The following DDX21 variants were observed in gnomAD, a reference collection of about 807,000 sequenced individuals.
DDX21 encodes DExD-box helicase 21.
Under a neutral mutation model 90.0 loss-of-function variants are expected in DDX21, and 18 were observed. The ratio of observed to expected loss-of-function variants is 0.20; its 90% confidence interval spans 0.14 to 0.30. The LOEUF (loss-of-function observed/expected upper bound fraction) is 0.30, where lower values mean the gene tolerates loss of function less well. Ranked by LOEUF, DDX21 falls within the 10% of genes least tolerant of loss-of-function variation. The pLI, the probability that DDX21 is intolerant of heterozygous loss-of-function variation, is 1.00. For missense variants in DDX21, 673 were observed against 944.5 expected (o/e 0.71, Z 3.77); for synonymous variants, 294 against 318.0 (o/e 0.92, Z 0.80).
intron 1 of DDX21, among the ~76,000 whole-genome samples, chr10:68,959,344 A>T (rs931118898): frequency 1.3e-5 from 2 of 152,098 alleles, no homozygotes; most frequent in African/African-American, 4.8e-5. Flanking sequence ...AAATACAAAA[A>T]TTCGCTGGGT....
At position 68,963,346 on chromosome 10, in the gene DDX21, C is replaced by T; in HGVS notation, c.663C>T (p.Tyr221=). The T allele has an allele frequency of 4.3e-6, 7 of 1,614,118 alleles. No individual in the cohort carries two copies. Among genetic ancestry groups the T allele is most frequent in the Non-Finnish European group, 4.2e-6 (5 of 1,179,996 alleles). The change falls in exon 4 of 15, where the codon TAC becomes TAT. Residue 221 remains tyrosine (Y), a synonymous_variant. Transcript: ENST00000354185. ...AAGCAAAGACATTCCATCATGTTTA[C>T]AGCGGGAAGGACTTAATTGCACAGG... ...PIQAKTFHHV[Y]SGKDLIAQAR...
intron 4 of DDX21, among the ~76,000 whole-genome samples, chr10:68,963,766 CAA>C (rs1842902291): frequency 6.6e-6 from 1 of 151,962 alleles, no homozygotes; most frequent in Non-Finnish European, 1.5e-5. Context: ...TAGCTTTCGT[CAA>C]GTGTCTGACC....
chr10:68,963,150 C>A (rs1842894157), intron 3 of DDX21, 141 bp from the exon 4 acceptor site: 1 of 817,344 alleles, frequency 1.2e-6, no homozygotes, highest in Non-Finnish European at 1.8e-6. Context: ...CGTATTTGAG[C>A]CTAACTTTGT....
chr10:68,968,797 G>A (rs10998508), intron 6 of DDX21, among the ~76,000 whole-genome samples, 179 bp from the exon 7 acceptor site: 7 of 152,232 alleles, frequency 4.6e-5, no homozygotes, highest in East Asian at 1.9e-4. Context: ...ATTACCTAGC[G>A]GTATTTCTTT....
intron 11 of DDX21, among the ~76,000 whole-genome samples, chr10:68,976,291 A>AT (rs201101708): frequency 0.14 from 19,994 of 142,892 alleles, 1,491 homozygotes; most frequent in Admixed American, 0.2. Context: ...GGATGAGTGT[A>AT]TTTTTTTTTT....
chr10:68,963,498 G>A, intron 4 of DDX21, 29 bp downstream of exon 4: 1 of 1,578,790 alleles, frequency 6.3e-7, no homozygotes, highest in South Asian at 1.2e-5. Flanking sequence ...AGGGCTCTCA[G>A]TCAGCATAGG....
intron 9 of DDX21, among the ~76,000 whole-genome samples, chr10:68,972,696 C>A (rs1843044123): frequency 1.3e-5 from 2 of 152,156 alleles, no homozygotes; most frequent in Non-Finnish European, 1.5e-5. Context: ...AGCCTTTAGA[C>A]TTTTTGATAT....
At chr10:68,960,507 G>T (rs7072390) in intron 2 of DDX21, among the ~76,000 whole-genome samples, 1,782 of 152,024 alleles carry the variant, frequency 0.012, 49 homozygotes, top group African/African-American at 0.041. Context: ...TGTCACCTAG[G>T]CTGGAGTACA....
intron 14 of DDX21, among the ~76,000 whole-genome samples, chr10:68,982,277 A>G (rs1284181463): frequency 6.6e-6 from 1 of 152,188 alleles, no homozygotes; most frequent in African/African-American, 2.4e-5. Context: ...CCCTGTAGCA[A>G]TTGAGTTGAA....
intron 4 of DDX21, 101 bp downstream of exon 4, chr10:68,963,570 A>T: frequency 9.4e-7 from 1 of 1,068,480 alleles, no homozygotes; most frequent in Non-Finnish European, 1.3e-6. Context: ...TCTTATAGTC[A>T]CCCATTCTAT....
Position 68,970,251 on chromosome 10 carries a change from T to C in DDX21, c.1287T>C (p.Asp429=). ...HWTQRAAVIG[D]VIRVYSGHQG... ...CTCAGAGGGCAGCAGTTATTGGGGA[T>C]GTCATCCGAGTATATAGTGGTCATC... Residue 429 remains aspartate (D), a synonymous_variant, in exon 8 of 15, where the codon GAT becomes GAC. Transcript: ENST00000354185. 6.2e-7 allele frequency: 1 copy of C among 1,614,020 alleles called. No individual in the cohort carries two copies. Among genetic ancestry groups the C allele is most frequent in the South Asian group, 1.1e-5 (1 of 91,056 alleles).
chr10:68,981,677 G>T, intron 14 of DDX21, 96 bp downstream of exon 14: 1 of 1,074,506 alleles, frequency 9.3e-7, no homozygotes. Context: ...CAATAGTTCT[G>T]GTTCCTTTAG....
chr10:68,972,639 C>CT (rs1298899815), intron 9 of DDX21, among the ~76,000 whole-genome samples: 2 of 152,148 alleles, frequency 1.3e-5, no homozygotes, highest in Non-Finnish European at 2.9e-5. Flanking sequence ...TTCACCAATT[C>CT]TTAAAAAGGA....
chr10:68,960,793 A>T (rs919962976), intron 2 of DDX21, among the ~76,000 whole-genome samples: 1 of 136,834 alleles, frequency 7.3e-6, no homozygotes, highest in African/African-American at 2.8e-5. Context: ...AAAAAAAAAA[A>T]TTAGCATAGT....
intron 14 of DDX21, 118 bp downstream of exon 14, chr10:68,981,699 C>T (rs1843194116): frequency 1.3e-5 from 12 of 929,516 alleles, no homozygotes; most frequent in Admixed American, 8.5e-5. Context: ...AAGAGATAAT[C>T]GATAATTAAA....
rs1842794716 is a variant in DDX21, at chr10:68,956,420, C to A, written c.87+108C>A. The A allele has an allele frequency of 2.7e-5, 42 of 1,536,794 alleles. 1 individual carries two copies. In the South Asian group the frequency reaches 4.7e-4, roughly 17 times the overall value. ...CGTGGGAGCGCGCGGCGGATAACAG[C>A]GCGTCCAGACACCGGGCGTGGGTCT... On this transcript the variant is annotated intron_variant, in intron 1 of 14. Transcript: ENST00000354185.
Position 68,969,236 on chromosome 10 carries a change from A to C in DDX21, c.1236+115A>C, listed in dbSNP as rs1365962208. The C allele has an allele frequency of 9.6e-6, 10 of 1,045,226 alleles. No homozygotes were observed. The South Asian group carries it at 1.4e-4, about 15-fold the overall frequency. 64.7% of individuals were successfully genotyped at this position (1,045,226 alleles called of 1,614,324 possible). A position where few individuals can be genotyped will look rare whatever the true frequency, so the allele number is the denominator to read the frequency against. On this transcript the variant is annotated intron_variant, in intron 7 of 14. Transcript: ENST00000354185. ...AGATAAATACTAAATCCATGTGAAAAGCCAAGGAAAAATATTTCTATTTGA... is the reference window on the plus strand; with the variant it reads ...AGATAAATACTAAATCCATGTGAAACGCCAAGGAAAAATATTTCTATTTGA...
At chr10:68,963,171 C>G in intron 3 of DDX21, 120 bp from the exon 4 acceptor site, 3 of 1,026,262 alleles carry the variant, frequency 2.9e-6, no homozygotes, top group Non-Finnish European at 4.1e-6. Context: ...AGATGTTGAC[C>G]AGAAGGTAGA....
intron 1 of DDX21, among the ~76,000 whole-genome samples, chr10:68,957,157 G>C (rs1842810194): frequency 6.6e-6 from 1 of 152,212 alleles, no homozygotes; most frequent in South Asian, 2.1e-4. Flanking sequence ...AAGGGAAGTA[G>C]AGTTTGTTTT....
Sources: gnomAD v4.1 joint callset for allele counts (sites outside exome capture counted in the v4.1 genomes callset) on GRCh38, gnomAD v4.1.1 for gene constraint, MANE v1.5 for transcripts, NCBI Gene and HGNC (gene_info 2026-07-23, HGNC 2026-07-21) for gene names.